Variants in MSRA observed in about 807,000 individuals in gnomAD.
MSRA encodes mitochondrial peptide methionine sulfoxide reductase.
In MSRA, 54 loss-of-function variants were observed where a neutral mutation model predicts 31.3. That is an observed-to-expected ratio of 1.73 (90% CI 1.39 to 2.17). The LOEUF (loss-of-function observed/expected upper bound fraction) is 2.17. Ranked by LOEUF, MSRA falls within the 30% of genes most tolerant of loss-of-function variation. The pLI is 0.00. For synonymous variants in MSRA, 169 were observed against 116.5 expected (o/e 1.45, Z -2.90); for missense variants, 507 against 300.9 (o/e 1.69, Z -5.07).
At chr8:10,379,533 C>T (rs755127669) in intron 5 of MSRA, among the ~76,000 whole-genome samples, 1 of 152,170 alleles carries the variant, frequency 6.6e-6, no homozygotes, top group Non-Finnish European at 1.5e-5. Context: ...CCTGGTCTCC[C>T]AGCAGGAAGG....
intron 1 of MSRA, among the ~76,000 whole-genome samples, chr8:10,125,197 G>C (rs1166189428): frequency 1.3e-5 from 2 of 152,200 alleles, no homozygotes; most frequent in African/African-American, 4.8e-5. Flanking sequence ...TTGGGGAGTA[G>C]GGGACAACTT....
intron 1 of MSRA, among the ~76,000 whole-genome samples, chr8:10,205,648 C>G (rs574783949): frequency 2.6e-4 from 40 of 152,238 alleles, no homozygotes; most frequent in African/African-American, 9.4e-4. Flanking sequence ...TGTTTGAATT[C>G]AAACATTTTC....
intron 1 of MSRA, among the ~76,000 whole-genome samples, chr8:10,112,267 G>C (rs551032751): frequency 2.4e-4 from 36 of 152,284 alleles, no homozygotes; most frequent in African/African-American, 8.4e-4. Flanking sequence ...CATTAGAAAA[G>C]AGACTGACCA....
In MSRA at chr8:10,215,746, A is replaced by G. The variant is rs146959973; in HGVS notation, c.211+7845A>G. Among the ~76,000 whole-genome samples the G allele has an allele frequency of 2.4e-3, 368 of 152,268 alleles. 2 individuals are homozygous for G. Among genetic ancestry groups the G allele is most frequent in the African/African-American group, 7.4e-3 (306 of 41,574 alleles). ...CAATACAGAGCTCTCAGAAAATACT[A>G]TATTTCTCTTTTGGCCTCAACTGTA... On this transcript the variant is annotated intron_variant, in intron 2 of 5. Coordinates refer to ENST00000317173, the MANE Select transcript of MSRA (RefSeq NM_012331.5).
chr8:10,231,783 G>A (rs2129073500), intron 2 of MSRA, among the ~76,000 whole-genome samples: 1 of 152,136 alleles, frequency 6.6e-6, no homozygotes, highest in African/African-American at 2.4e-5. Flanking sequence ...GGCGCCTATA[G>A]TCCCAACTAC....
At chr8:10,320,329 A>G (rs769990026) in intron 5 of MSRA, 3 of 163,704 alleles carry the variant, frequency 1.8e-5, no homozygotes, top group Non-Finnish European at 4.0e-5. Context: ...TAAGCCAGGC[A>G]TGGTGGCCTG....
chr8:10,152,707 G>A (rs1803809161), intron 1 of MSRA, among the ~76,000 whole-genome samples: 1 of 152,212 alleles, frequency 6.6e-6, no homozygotes, highest in Admixed American at 6.5e-5. Context: ...TGTTAAAAAT[G>A]AGTAACGCAC....
intron 5 of MSRA, among the ~76,000 whole-genome samples, chr8:10,390,029 G>A (rs925230096): frequency 4.6e-5 from 7 of 152,052 alleles, no homozygotes; most frequent in African/African-American, 7.2e-5. Flanking sequence ...TGCCTCACCC[G>A]AGCCCACTCC....
intron 3 of MSRA, among the ~76,000 whole-genome samples, chr8:10,269,752 C>T (rs1009074214): frequency 1.3e-5 from 2 of 152,200 alleles, no homozygotes; most frequent in Non-Finnish European, 2.9e-5. Flanking sequence ...CCGGGGTTCA[C>T]GCCATTCCCC....
At chr8:10,274,883 C>G (rs949650812) in intron 3 of MSRA, among the ~76,000 whole-genome samples, 5 of 152,168 alleles carry the variant, frequency 3.3e-5, no homozygotes, top group Non-Finnish European at 1.5e-5. Flanking sequence ...AGCCAACCAA[C>G]CATCTATCCG....
intron 3 of MSRA, among the ~76,000 whole-genome samples, chr8:10,297,476 C>T (rs1800608539): frequency 6.6e-6 from 1 of 152,126 alleles, no homozygotes; most frequent in Admixed American, 6.5e-5. Flanking sequence ...TAAGATCTGG[C>T]CTTTCATCTC....
At chr8:10,422,893 C>T (rs139957378) in intron 5 of MSRA, among the ~76,000 whole-genome samples, 1 of 152,228 alleles carries the variant, frequency 6.6e-6, no homozygotes, top group Non-Finnish European at 1.5e-5. Flanking sequence ...GACCTGAACT[C>T]ATTCTCCATC....
rs1585372000 is a variant in MSRA at position 10,287,174 on chromosome 8, G to A, written c.332-14360G>A. Among the ~76,000 whole-genome samples the A allele has an allele frequency of 2.0e-5, 3 of 152,292 alleles. No homozygotes were observed. In the South Asian group the frequency reaches 6.2e-4, roughly 32 times the overall value. ...TATCAATCAAATTACAGCCGAGTCT[G>A]CATCTATACGAAGTCATTGGTAGCA... On this transcript the variant is annotated intron_variant, in intron 3 of 5. Transcript: ENST00000317173.
chr8:10,255,441 A>T (rs1388659895), intron 3 of MSRA, among the ~76,000 whole-genome samples: 1 of 152,174 alleles, frequency 6.6e-6, no homozygotes, highest in African/African-American at 2.4e-5. Context: ...TCCGTTTTCA[A>T]TTTCAGCCTG....
chr8:10,263,550 C>A (rs1410668922), intron 3 of MSRA, among the ~76,000 whole-genome samples: 1 of 152,194 alleles, frequency 6.6e-6, no homozygotes, highest in South Asian at 2.1e-4. Flanking sequence ...GGGAATCATT[C>A]TTTGGCTTTG....
intron 3 of MSRA, among the ~76,000 whole-genome samples, chr8:10,259,154 C>T (rs181334654): frequency 4.6e-5 from 7 of 151,934 alleles, no homozygotes; most frequent in Admixed American, 3.3e-4. Flanking sequence ...TTGCCTTTGA[C>T]CTTGTCAAAT....
chr8:10,082,980 C>A (rs1585110325), intron 1 of MSRA, among the ~76,000 whole-genome samples: 8 of 152,150 alleles, frequency 5.3e-5, no homozygotes, highest in Admixed American at 4.6e-4. Flanking sequence ...AGTCAGGAAG[C>A]CAAAAATAAC....
At chr8:10,178,382 G>C (rs1451337404) in intron 1 of MSRA, among the ~76,000 whole-genome samples, 2 of 151,986 alleles carry the variant, frequency 1.3e-5, no homozygotes, top group Non-Finnish European at 2.9e-5. Flanking sequence ...TTGAGCCCAG[G>C]AGTTCAAGAC....
intron 5 of MSRA, among the ~76,000 whole-genome samples, chr8:10,374,835 G>A (rs1047297828): frequency 3.3e-5 from 5 of 152,206 alleles, no homozygotes; most frequent in Admixed American, 6.5e-5. Flanking sequence ...ACATTGGCTC[G>A]TGGAGGCAGA....
Sources: allele counts gnomAD v4.1 joint callset (sites outside exome capture counted in the v4.1 genomes callset), GRCh38; gene constraint gnomAD v4.1.1; transcripts MANE v1.5; gene names NCBI Gene and HGNC (gene_info 2026-07-23, HGNC 2026-07-21).